TFPT: variants seen among roughly 807,000 people sequenced by gnomAD.
The protein encoded by TFPT is INO80 complex subunit F.
Under a neutral mutation model 28.8 loss-of-function variants are expected in TFPT, and 27 were observed. The ratio of observed to expected loss-of-function variants is 0.94; its 90% CI spans 0.69 to 1.29. The LOEUF (loss-of-function observed/expected upper bound fraction) is 1.29. TFPT is among the 50% of genes most tolerant of loss of function. The pLI is 0.00. For missense variants in TFPT, 330 were observed against 338.0 expected, an observed-to-expected ratio of 0.98 and a Z score of 0.19; for synonymous variants, 152 against 142.8, an observed-to-expected ratio of 1.06 and a Z score of -0.46.
intron 2 of TFPT, 69 bp downstream of exon 2, chr19:54,114,373 G>A (rs2073549751): frequency 1.9e-6 from 3 of 1,554,154 alleles, no homozygotes; most frequent in African/African-American, 2.7e-5. Flanking sequence ...CATGTGGAAA[G>A]GCAGAGATTG....
chr19:54,109,802 C>A (rs1216312998), intron 3 of TFPT, among the ~76,000 whole-genome samples: 6 of 152,192 alleles, frequency 3.9e-5, no homozygotes, highest in Admixed American at 3.9e-4. Flanking sequence ...ATGCCCTCCA[C>A]CCGGCCCTCC....
chr19:54,114,998 A>G, intron 1 of TFPT: 1 of 675,168 alleles, frequency 1.5e-6, no homozygotes. Context: ...AGGGAGTCCA[A>G]GCCCCAACCC....
rs1450449823 is a variant in TFPT, at chr19:54,115,307, C to A, written c.-38G>T. 6.2e-7 allele frequency: 1 copy of A among 1,613,808 alleles called. No individual in the cohort carries two copies. Among genetic ancestry groups the A allele is most frequent in the South Asian group, 1.1e-5 (1 of 91,088 alleles). ...CGGAAGCCCCGGGCCTCAGAGCTTC[C>A]GACCTCTTCAATCTGTAGGTTAAGC... On this transcript the variant is annotated 5_prime_UTR_variant, in exon 1 of 6. Transcript: ENST00000391759.
rs139073279 is a variant in TFPT at position 54,107,144 on chromosome 19, A to G, written c.668T>C (p.Phe223Ser). 1.8e-5 allele frequency: 29 copies of G among 1,613,774 alleles called. No individual in the cohort carries two copies. In the African/African-American group the frequency reaches 3.3e-4, roughly 19 times the overall value. ...GGAATCCAGGGCCTCATCTGCTTCA[A>G]AGCCAAAGTCTTCCTCAACCTTAAT... ...VQIKVEEDFG[F>S]EADEALDSSW... The change falls in exon 6 of 6, where the codon TTT (phenylalanine) becomes TCT (serine). Residue 223 changes from phenylalanine to serine, a missense_variant. Physicochemically the swap from Phe to Ser is radical, Grantham distance 155. Coordinates refer to ENST00000391759, the MANE Select transcript of TFPT (RefSeq NM_013342.4).
chr19:54,113,760 T>C (rs1329224318), intron 2 of TFPT, among the ~76,000 whole-genome samples: 1 of 152,170 alleles, frequency 6.6e-6, no homozygotes. Flanking sequence ...AGCATGATCT[T>C]GGCTCACTGC....
In TFPT at chr19:54,107,114, C is replaced by G; in HGVS notation, c.698G>C (p.Trp233Ser). 6.2e-7 allele frequency: 1 copy of G among 1,613,912 alleles called. No individual in the cohort carries two copies. Among genetic ancestry groups the G allele is most frequent in the Non-Finnish European group, 8.5e-7 (1 of 1,179,948 alleles). ...FEADEALDSS[W>S]VSRGPDKLLP... The stretch of plus-strand genomic sequence containing the variant: ...CAGTTTGTCTGGACCCCGAGAAACC[C>G]AACTGGAATCCAGGGCCTCATCTGC... The change falls in exon 6 of 6, where the codon TGG becomes TCG. Residue 233 changes from tryptophan to serine, a missense_variant. Physicochemically the swap from Trp to Ser is radical, Grantham distance 177. Transcript: ENST00000391759.
chr19:54,108,202 C>A lies in TFPT; in HGVS notation c.466G>T (p.Ala156Ser). Residue 156 changes from alanine to serine, a missense_variant, in exon 5 of 6, where the codon GCG becomes TCG. Coordinates refer to ENST00000391759, the MANE Select transcript of TFPT (RefSeq NM_013342.4). ...TCTTTCTCTGGAGGCTCATTCTCCG[C>A]ATTGCCTGGGGTGGGGGCATCCGTG... ...QGTDAPTPGN[A>S]ENEPPEKETL... The A allele has an allele frequency of 6.3e-7, 1 of 1,598,012 alleles. No homozygotes were observed. Among genetic ancestry groups the A allele is most frequent in the South Asian group, 1.1e-5 (1 of 89,430 alleles).
intron 2 of TFPT, among the ~76,000 whole-genome samples, chr19:54,110,367 T>G (rs587728559): frequency 3.3e-5 from 5 of 152,190 alleles, no homozygotes; most frequent in Admixed American, 2.0e-4. Flanking sequence ...TCCGCACAAC[T>G]TACTCCCCAC....
intron 3 of TFPT, chr19:54,108,783 A>G (rs1189051341): frequency 1.6e-6 from 1 of 621,284 alleles, no homozygotes; most frequent in Non-Finnish European, 2.7e-6. Context: ...CGCTCCTCCT[A>G]ATGACCTCAC....
chr19:54,107,183 G>T lies in TFPT; in HGVS notation c.643-14C>A. 1 of 1,609,454 alleles carries T rather than the reference G, an allele frequency of 6.2e-7. No homozygotes were observed. The highest frequency in any genetic ancestry group is 2.2e-5 in the East Asian group (1 of 44,838). On this transcript the variant is annotated splice_polypyrimidine_tract_variant and intron_variant, in intron 5 of 5. Coordinates refer to ENST00000391759, the MANE Select transcript of TFPT (RefSeq NM_013342.4). ...CTCAACCTTAATCTGCAGGAGATAAGGAACAAGGTGTTAACAGGCCTGGGA... is the reference window on the plus strand; with the variant it reads ...CTCAACCTTAATCTGCAGGAGATAATGAACAAGGTGTTAACAGGCCTGGGA...
chr19:54,112,631 G>A (rs1010486284), intron 2 of TFPT, among the ~76,000 whole-genome samples: 7 of 151,564 alleles, frequency 4.6e-5, no homozygotes, highest in Non-Finnish European at 1.0e-4. Flanking sequence ...TCTACAAAAA[G>A]TACAAAAATT....
At chr19:54,111,497 T>TAAAAAAAAAAAA in intron 2 of TFPT, among the ~76,000 whole-genome samples, 1 of 111,094 alleles carries the variant, frequency 9.0e-6, no homozygotes, top group Non-Finnish European at 1.9e-5. Flanking sequence ...TCATCTCTAC[T>TAAAAAAAAAAAA]AAAAAAAAAA....
chr19:54,110,543 A>G (rs924873303), intron 2 of TFPT, among the ~76,000 whole-genome samples: 2 of 152,128 alleles, frequency 1.3e-5, no homozygotes, highest in East Asian at 3.9e-4. Context: ...CCTGGCCAAC[A>G]TGATGAAACC....
chr19:54,108,939 G>A, intron 3 of TFPT: 1 of 237,210 alleles, frequency 4.2e-6, no homozygotes, highest in South Asian at 5.3e-5. Flanking sequence ...CTGTCACCCA[G>A]GCTGGAGTGC....
In TFPT at chr19:54,107,656, T is replaced by C. The variant is rs1233282264; in HGVS notation, c.642+370A>G. 3 of 318,222 alleles carry C rather than the reference T, an allele frequency of 9.4e-6. No homozygotes were observed. The Admixed American group carries it at 1.4e-4, about 14-fold the overall frequency. 19.7% of individuals were successfully genotyped at this position (318,222 alleles called of 1,614,324 possible). On this transcript the variant is annotated intron_variant, in intron 5 of 5. Coordinates refer to ENST00000391759, the MANE Select transcript of TFPT (RefSeq NM_013342.4). The stretch of plus-strand genomic sequence containing the variant: ...GTTCTTCCAGCTTTCCTCCCCACAC[T>C]GGGCCTTCCCTTCCACTCCGTCTTC...
intron 2 of TFPT, among the ~76,000 whole-genome samples, chr19:54,111,129 G>T (rs1224048716): frequency 6.6e-6 from 1 of 152,140 alleles, no homozygotes. Context: ...CAGGCTGAGG[G>T]GACAGCCCTG....
intron 2 of TFPT, among the ~76,000 whole-genome samples, chr19:54,111,929 GAGATTGC>G (rs201650253): frequency 0.011 from 1,738 of 152,236 alleles, 38 homozygotes; most frequent in Admixed American, 0.037. Context: ...GCAGTGAGCT[GAGATTGC>G]AGCATTGCAC....
At chr19:54,114,749 C>G (rs761061918) in intron 1 of TFPT, 49 bp from the exon 2 acceptor site, 2 of 1,567,478 alleles carry the variant, frequency 1.3e-6, no homozygotes, top group East Asian at 4.5e-5. Context: ...GACCCCCAGC[C>G]CCTTCTCCCA....
chr19:54,115,112 AG>A, intron 1 of TFPT, 134 bp downstream of exon 1: 1 of 1,355,760 alleles, frequency 7.4e-7, no homozygotes, highest in South Asian at 1.2e-5. Flanking sequence ...AGTCCATAAA[AG>A]GGTTCTAAGG....
Sources: allele counts gnomAD v4.1 joint callset (sites outside exome capture counted in the v4.1 genomes callset), GRCh38; gene constraint gnomAD v4.1.1; transcripts MANE v1.5; gene names NCBI Gene and HGNC (gene_info 2026-07-23, HGNC 2026-07-21).